The following NLRP1 variants were observed in gnomAD, a reference collection of about 807,000 sequenced individuals.
NLRP1 encodes NACHT, LRR and PYD domains-containing protein 1.
In NLRP1, 94 loss-of-function variants were observed where a neutral mutation model predicts 136.7. The observed-to-expected ratio is 0.69, with a 90% confidence interval of 0.58 to 0.82. The LOEUF (loss-of-function observed/expected upper bound fraction) is 0.82. Ranked by LOEUF, NLRP1 falls within the 40% of genes least tolerant of loss-of-function variation. The probability of loss-of-function intolerance (pLI) is 0.00; values close to 1 mark genes in which losing one functional copy is unlikely to be tolerated. For synonymous variants in NLRP1, 690 were observed against 725.1 expected (o/e 0.95, Z 0.78); for missense variants, 1,575 against 1,802.7 (o/e 0.87, Z 2.29).
chr17:5,524,223 T>C (rs1213079844), intron 12 of NLRP1, among the ~76,000 whole-genome samples: 1 of 152,224 alleles, frequency 6.6e-6, no homozygotes, highest in Non-Finnish European at 1.5e-5. Flanking sequence ...ACGCCTGCAT[T>C]ACAGTCTTTC....
At position 5,559,473 on chromosome 17, in the gene NLRP1, A is replaced by G. The variant is rs1319898474; in HGVS notation, c.1223T>C (p.Ile408Thr). The G allele has an allele frequency of 1.9e-6, 3 of 1,614,086 alleles. No individual in the cohort carries two copies. The highest frequency in any genetic ancestry group is 2.5e-6 in the Non-Finnish European group (3 of 1,180,022). The change falls in exon 4 of 17, where the codon ATC (isoleucine) becomes ACC (threonine). Residue 408 changes from isoleucine (I) to threonine (T), a missense_variant. Coordinates refer to ENST00000572272, the MANE Select transcript of NLRP1 (RefSeq NM_033004.4). ...TCCTGGCTCATCTACACCATCGAGG[A>G]TGAAGAGCAGCCGCTCTGGCCTAGA... is the stretch of plus-strand genomic sequence containing the variant. ...ILSRPERLLF[I>T]LDGVDEPGWV...
chr17:5,545,499 GAC>G (rs34766471), intron 5 of NLRP1, among the ~76,000 whole-genome samples: 6,623 of 133,340 alleles, frequency 0.05, 165 homozygotes, highest in Middle Eastern at 0.096. Context: ...CAGACACACA[GAC>G]ACACACACAC....
At chr17:5,532,075 C>G (rs1389389045) in intron 11 of NLRP1, among the ~76,000 whole-genome samples, 1 of 152,182 alleles carries the variant, frequency 6.6e-6, no homozygotes, top group Non-Finnish European at 1.5e-5. Flanking sequence ...AAACCCCCAT[C>G]TCTACTAAAA....
rs555660515 is a variant in NLRP1, at chr17:5,573,953, C to T, written c.652+7906G>A. On this transcript the variant is annotated intron_variant, in intron 3 of 16. Transcript: ENST00000572272. ...TCGCCAGCAATGGAACAAAGCTGGACGGAGAATGACTTTGATGAGTTGAGA... is the reference window on the plus strand; with the variant it reads ...TCGCCAGCAATGGAACAAAGCTGGATGGAGAATGACTTTGATGAGTTGAGA... Among the ~76,000 whole-genome samples, 566 of 152,260 alleles carry T rather than the reference C, an allele frequency of 3.7e-3. 2 individuals are homozygous for T. The highest frequency in any genetic ancestry group is 0.013 in the South Asian group (65 of 4,824).
chr17:5,515,071 C>T lies in NLRP1; in HGVS notation c.4105G>A (p.Val1369Ile), dbSNP rs181358292. The stretch of plus-strand genomic sequence containing the variant: ...TGCGGGGCATCCAGAGGTGAAGGTA[C>T]GGCTGGCAACGAACAAAGAAGGGCT... Reference protein sequence around the residue: ...TTLIPPARIAVPSPLDAPQLL... With the variant: ...TTLIPPARIAIPSPLDAPQLL... The change falls in exon 17 of 17, where the codon GTA (valine) becomes ATA (isoleucine). Residue 1369 changes from valine to isoleucine, a missense_variant and splice_region_variant. Transcript: ENST00000572272. 104 of 1,613,070 alleles carry T rather than the reference C, an allele frequency of 6.4e-5. No homozygotes were observed. The highest frequency in any genetic ancestry group is 8.9e-5 in the East Asian group (4 of 44,860).
downstream of NLRP1, chr17:5,511,948 C>A: frequency 2.3e-6 from 1 of 427,760 alleles, no homozygotes; most frequent in Non-Finnish European, 4.4e-6. Context: ...CAGTATAGTC[C>A]TGGCTACAAG....
chr17:5,539,418 A>G lies in NLRP1; in HGVS notation c.2867T>C (p.Leu956Pro), dbSNP rs753441449. 6.2e-7 allele frequency: 1 copy of G among 1,611,728 alleles called. No individual in the cohort carries two copies. The highest frequency in any genetic ancestry group is 1.1e-5 in the South Asian group (1 of 90,822). ...GAAGGGACCCACAGGGCCTTACCCC[A>G]GGCGTATGAGTTTGCAGGCAGGATG... is the stretch of plus-strand genomic sequence containing the variant. ...LRHPACKLIR[L>P]GLDQTTLSDE... Residue 956 changes from leucine (L) to proline (P), a missense_variant, in exon 7 of 17, where the codon CTG becomes CCG. Leu to Pro is a moderately conservative substitution (Grantham distance 98). Transcript: ENST00000572272.
intron 9 of NLRP1, among the ~76,000 whole-genome samples, 177 bp from the exon 10 acceptor site, chr17:5,533,561 T>TTTTTTTTG: frequency 6.7e-6 from 1 of 149,278 alleles, no homozygotes; most frequent in Non-Finnish European, 1.5e-5. Context: ...GTTTTTTTTT[T>TTTTTTTTG]TTTTTTTTTT....
At chr17:5,513,783 TC>T (rs1330592481), downstream of NLRP1, among the ~76,000 whole-genome samples, 7 of 152,156 alleles carry the variant, frequency 4.6e-5, no homozygotes, top group African/African-American at 1.7e-4. Context: ...CAAAGACTCC[TC>T]GTATAAAACA....
At chr17:5,516,321 T>C (rs1041277901) in intron 15 of NLRP1, among the ~76,000 whole-genome samples, 2 of 152,134 alleles carry the variant, frequency 1.3e-5, no homozygotes, top group African/African-American at 4.8e-5. Flanking sequence ...CTGGAGCATC[T>C]ACTGAGGGAG....
At chr17:5,535,112 C>T (rs1280020678) in intron 8 of NLRP1, among the ~76,000 whole-genome samples, 1 of 152,050 alleles carries the variant, frequency 6.6e-6, no homozygotes, top group Non-Finnish European at 1.5e-5. Context: ...CCCAGCTACT[C>T]TGGAGGCTGA....
chr17:5,564,881 G>T (rs548973906), intron 3 of NLRP1, among the ~76,000 whole-genome samples: 1 of 151,934 alleles, frequency 6.6e-6, no homozygotes, highest in South Asian at 2.1e-4. Context: ...GGGACTACAG[G>T]TGCCCGCCAC....
intron 11 of NLRP1, among the ~76,000 whole-genome samples, chr17:5,531,182 A>ATCTATCTATCTG (rs1910219153): frequency 8.4e-6 from 1 of 118,370 alleles, no homozygotes; most frequent in Non-Finnish European, 1.8e-5. Flanking sequence ...TAATCTATCT[A>ATCTATCTATCTG]TCTATCTATC....
In NLRP1 at chr17:5,584,305, C is replaced by G. The variant is rs1906046658; in HGVS notation, c.-348G>C. 3.0e-6 allele frequency: 1 copy of G among 333,186 alleles called. No individual in the cohort carries two copies. Among genetic ancestry groups the G allele is most frequent in the African/African-American group, 2.1e-5 (1 of 47,414 alleles). 20.6% of individuals were successfully genotyped at this position (333,186 alleles called of 1,614,324 possible). On this transcript the variant is annotated 5_prime_UTR_variant, in exon 1 of 17. Transcript: ENST00000572272. ...GGGCAACGCTCACTGTTCTGTGTTC[C>G]TCAGATTCTTCCCTCTCCTGGGTCC...
intron 8 of NLRP1, among the ~76,000 whole-genome samples, chr17:5,535,677 C>A (rs1057463209): frequency 6.6e-6 from 1 of 152,210 alleles, no homozygotes; most frequent in Non-Finnish European, 1.5e-5. Context: ...CAGTGCCCGA[C>A]ACATAGTGGG....
At chr17:5,543,214 G>A (rs1251902579) in intron 5 of NLRP1, among the ~76,000 whole-genome samples, 1 of 152,084 alleles carries the variant, frequency 6.6e-6, no homozygotes, top group Non-Finnish European at 1.5e-5. Flanking sequence ...GTAAATAAAT[G>A]AATGAAATAG....
chr17:5,523,465 T>C (rs1022617833), intron 12 of NLRP1, among the ~76,000 whole-genome samples: 1 of 152,236 alleles, frequency 6.6e-6, no homozygotes, highest in Non-Finnish European at 1.5e-5. Context: ...GGTCACTATC[T>C]TCCCCCCCGC....
chr17:5,565,089 A>C (rs1915187782), intron 3 of NLRP1, among the ~76,000 whole-genome samples: 1 of 152,108 alleles, frequency 6.6e-6, no homozygotes, highest in African/African-American at 2.4e-5. Flanking sequence ...TGGTTGTACT[A>C]ATTTACGTTC....
intron 3 of NLRP1, among the ~76,000 whole-genome samples, chr17:5,562,923 AC>A (rs1914924455): frequency 6.6e-6 from 1 of 152,072 alleles, no homozygotes; most frequent in African/African-American, 2.4e-5. Context: ...CAGGTTCTGA[AC>A]CCCAGGAGGC....
Sources: allele counts gnomAD v4.1 joint callset (sites outside exome capture counted in the v4.1 genomes callset), GRCh38; gene constraint gnomAD v4.1.1; transcripts MANE v1.5; gene names NCBI Gene and HGNC (gene_info 2026-07-23, HGNC 2026-07-21).